The following DGKB variants were observed in gnomAD, a reference collection of about 807,000 sequenced individuals.
DGKB encodes the protein diacylglycerol kinase beta.
Under a neutral mutation model 114.3 loss-of-function variants are expected in DGKB, and 67 were observed. The observed-to-expected ratio is 0.59, with a 90% CI of 0.48 to 0.72. The LOEUF (loss-of-function observed/expected upper bound fraction) is 0.72, where lower values mean the gene tolerates loss of function less well. DGKB is among the 30% of genes least tolerant of loss of function. The pLI is 0.00. For synonymous variants in DGKB, 398 were observed against 323.1 expected (o/e 1.23, Z -2.49); for missense variants, 907 against 975.2 (o/e 0.93, Z 0.93).
At chr7:14,960,204 C>T (rs1218514991) in intron 1 of DGKB, among the ~76,000 whole-genome samples, 7 of 152,070 alleles carry the variant, frequency 4.6e-5, no homozygotes, top group African/African-American at 1.4e-4. Context: ...AAGAATCAAG[C>T]GTGAGGTGTG....
chr7:14,410,068 C>T (rs1453180382), intron 21 of DGKB, among the ~76,000 whole-genome samples: 7 of 151,884 alleles, frequency 4.6e-5, no homozygotes, highest in African/African-American at 1.7e-4. Context: ...GTTGGTATCC[C>T]TAACTCTTGC....
intron 23 of DGKB, among the ~76,000 whole-genome samples, chr7:14,233,873 A>G (rs1792314029): frequency 6.6e-6 from 1 of 152,060 alleles, no homozygotes; most frequent in South Asian, 2.1e-4. Context: ...AGAAAGCCGG[A>G]AATAAAGCTT....
chr7:14,844,484 A>C (rs112147949), intron 1 of DGKB, among the ~76,000 whole-genome samples: 336 of 152,328 alleles, frequency 2.2e-3, no homozygotes, highest in African/African-American at 7.6e-3. Flanking sequence ...CTTGGGCATT[A>C]TCCTCAGGGA....
chr7:14,741,882 G>T (rs890484327), intron 4 of DGKB, among the ~76,000 whole-genome samples: 1 of 152,150 alleles, frequency 6.6e-6, no homozygotes, highest in Non-Finnish European at 1.5e-5. Flanking sequence ...GAACGCTCAA[G>T]TTAATTAAAA....
At position 14,965,083 on chromosome 7, in the gene DGKB, G is replaced by A. The variant is rs562711765; in HGVS notation, c.-188+9613C>T. 3.3e-5 allele frequency among the ~76,000 whole-genome samples: 5 copies of A among 152,198 alleles called. No individual in the cohort carries two copies. The South Asian group carries it at 8.3e-4, about 25-fold the overall frequency. On this transcript the variant is annotated intron_variant, in intron 1 of 4. Transcript: ENST00000437998. Reference sequence around the variant, plus strand: ...TGTTAACACAAATTTCATTTGGGAGGATCAGAAGAATATAAGGTACAGGGC... The same window carrying A: ...TGTTAACACAAATTTCATTTGGGAGAATCAGAAGAATATAAGGTACAGGGC...
intron 20 of DGKB, among the ~76,000 whole-genome samples, chr7:14,569,963 G>A (rs548762095): frequency 6.6e-6 from 1 of 151,138 alleles, no homozygotes; most frequent in African/African-American, 2.4e-5. Flanking sequence ...ATTGTTTCTG[G>A]AAAGTCATTG....
At chr7:14,392,983 T>C (rs1372563441) in intron 21 of DGKB, among the ~76,000 whole-genome samples, 1 of 88,846 alleles carries the variant, frequency 1.1e-5, no homozygotes, top group Non-Finnish European at 2.2e-5. Flanking sequence ...AACAGACCTG[T>C]TTTTTGTTTT....
intron 1 of DGKB, among the ~76,000 whole-genome samples, chr7:14,925,569 T>C (rs1169801884): frequency 1.3e-5 from 2 of 152,222 alleles, no homozygotes; most frequent in African/African-American, 2.4e-5. Context: ...CTTTGATTTA[T>C]TGCATCAAAA....
At chr7:14,919,337 T>C (rs1159679117) in intron 1 of DGKB, among the ~76,000 whole-genome samples, 2 of 152,100 alleles carry the variant, frequency 1.3e-5, no homozygotes, top group Non-Finnish European at 2.9e-5. Flanking sequence ...CAACTGATGA[T>C]ATTTGAGAAA....
intron 2 of DGKB, among the ~76,000 whole-genome samples, chr7:14,790,673 C>T (rs1441778542): frequency 2.0e-5 from 3 of 152,030 alleles, no homozygotes; most frequent in Non-Finnish European, 4.4e-5. Context: ...ATGCTTTAAT[C>T]CTGCAAATAT....
intron 1 of DGKB, among the ~76,000 whole-genome samples, chr7:14,880,538 A>C (rs930525897): frequency 2.0e-5 from 3 of 152,206 alleles, no homozygotes; most frequent in Admixed American, 6.5e-5. Context: ...CTCAAGATCA[A>C]GTTGGAACAA....
intron 21 of DGKB, among the ~76,000 whole-genome samples, chr7:14,373,375 A>G (rs901403776): frequency 6.6e-6 from 1 of 152,144 alleles, no homozygotes; most frequent in Non-Finnish European, 1.5e-5. Flanking sequence ...GTTTGTTTCT[A>G]TTTGTGAAAC....
At chr7:14,634,013 G>T (rs1810256197) in intron 13 of DGKB, among the ~76,000 whole-genome samples, 1 of 151,318 alleles carries the variant, frequency 6.6e-6, no homozygotes, top group African/African-American at 2.4e-5. Flanking sequence ...AATCTTTGGT[G>T]GAGATTATTG....
At chr7:14,905,579 T>A (rs1403989499), upstream of DGKB, among the ~76,000 whole-genome samples, 2 of 151,868 alleles carry the variant, frequency 1.3e-5, no homozygotes, top group Non-Finnish European at 2.9e-5. Flanking sequence ...CTCAACATAA[T>A]CATCAATTTG....
At chr7:14,434,840 G>C (rs1776631986) in intron 21 of DGKB, among the ~76,000 whole-genome samples, 2 of 152,116 alleles carry the variant, frequency 1.3e-5, no homozygotes, top group South Asian at 4.1e-4. Flanking sequence ...ACCAGTAAGA[G>C]TATGACGTTA....
At chr7:14,463,261 A>G (rs1451821374) in intron 21 of DGKB, among the ~76,000 whole-genome samples, 1 of 152,060 alleles carries the variant, frequency 6.6e-6, no homozygotes, top group East Asian at 1.9e-4. Context: ...GGGCCTAGGG[A>G]AGGGATAGCA....
intron 2 of DGKB, among the ~76,000 whole-genome samples, chr7:14,803,764 T>C (rs570928281): frequency 1.8e-4 from 27 of 152,276 alleles, no homozygotes; most frequent in African/African-American, 6.5e-4. Context: ...TTTCTTAGTA[T>C]TTACTATGGG....
chr7:14,919,643 C>T (rs1784421337), intron 1 of DGKB, among the ~76,000 whole-genome samples: 2 of 152,220 alleles, frequency 1.3e-5, no homozygotes, highest in South Asian at 2.1e-4. Flanking sequence ...AACTATGGTA[C>T]ATCTCTAAAA....
At chr7:14,253,777 GCA>G (rs982065059) in intron 23 of DGKB, among the ~76,000 whole-genome samples, 3 of 152,114 alleles carry the variant, frequency 2.0e-5, no homozygotes, top group Non-Finnish European at 4.4e-5. Context: ...CTGTCAGACT[GCA>G]TCTATGGGGC....
Sources: allele counts gnomAD v4.1 joint callset (sites outside exome capture counted in the v4.1 genomes callset), GRCh38; gene constraint gnomAD v4.1.1; transcripts MANE v1.5; gene names NCBI Gene and HGNC (gene_info 2026-07-23, HGNC 2026-07-21).